The following CXCL13 variants were observed in gnomAD, a reference collection of about 807,000 sequenced individuals.
CXCL13 encodes the protein C-X-C motif chemokine ligand 13.
CXCL13 carries 7 observed loss-of-function variants against 12.2 expected under a neutral mutation model. That is an observed-to-expected ratio of 0.57 (90% CI 0.33 to 1.07). CXCL13 has a LOEUF of 1.07. Ranked by LOEUF, CXCL13 falls within the 50% of genes least tolerant of loss-of-function variation. The pLI is 0.04. For missense variants in CXCL13, 113 were observed against 127.4 expected (o/e 0.89, Z 0.55); for synonymous variants, 47 against 42.4 (o/e 1.11, Z -0.42).
chr4:77,597,634 T>A (rs1243138405), intron 1 of CXCL13, among the ~76,000 whole-genome samples: 2 of 152,158 alleles, frequency 1.3e-5, no homozygotes, highest in African/African-American at 4.8e-5. Flanking sequence ...ATGGTTGGCT[T>A]AAGAAAATAA....
At chr4:77,545,532 G>A (rs183605662) in intron 1 of CXCL13, among the ~76,000 whole-genome samples, 7 of 152,140 alleles carry the variant, frequency 4.6e-5, no homozygotes, top group South Asian at 2.1e-4. Context: ...GTTCACTCAC[G>A]ATTTGGCTCT....
At chr4:77,610,871 T>C (rs1045990699) in intron 3 of CXCL13, 117 bp from the exon 4 acceptor site, 3 of 986,930 alleles carry the variant, frequency 3.0e-6, no homozygotes, top group Admixed American at 1.9e-5. Flanking sequence ...AGCAGCTCAG[T>C]AAACCAAACT....
chr4:77,571,855 G>A (rs12504615), intron 1 of CXCL13, among the ~76,000 whole-genome samples: 12 of 151,840 alleles, frequency 7.9e-5, no homozygotes, highest in Middle Eastern at 3.4e-3. Flanking sequence ...CACTCACCGC[G>A]AAGATCTGCA....
At chr4:77,568,785 C>T (rs900723330) in intron 1 of CXCL13, among the ~76,000 whole-genome samples, 1 of 152,202 alleles carries the variant, frequency 6.6e-6, no homozygotes, top group African/African-American at 2.4e-5. Context: ...CATTGGCATT[C>T]TCTCTAGGAT....
chr4:77,523,978 G>C (rs1322895422), intron 1 of CXCL13, among the ~76,000 whole-genome samples: 2 of 152,220 alleles, frequency 1.3e-5, no homozygotes, highest in African/African-American at 4.8e-5. Flanking sequence ...CTCAGCTGCA[G>C]ATCTGTTGGA....
At chr4:77,597,291 T>A (rs1578071457) in intron 1 of CXCL13, among the ~76,000 whole-genome samples, 1 of 152,346 alleles carries the variant, frequency 6.6e-6, no homozygotes, top group East Asian at 1.9e-4. Flanking sequence ...ATATTTTTTT[T>A]AATGTATTGA....
At chr4:77,522,250 A>T (rs1648412999) in intron 1 of CXCL13, among the ~76,000 whole-genome samples, 1 of 151,210 alleles carries the variant, frequency 6.6e-6, no homozygotes, top group Admixed American at 6.6e-5. Flanking sequence ...GCCGAGTTCA[A>T]TTCCTGGATA....
intron 1 of CXCL13, among the ~76,000 whole-genome samples, chr4:77,588,430 A>G (rs1419349975): frequency 6.6e-6 from 1 of 152,214 alleles, no homozygotes; most frequent in East Asian, 1.9e-4. Context: ...GAGGATCACT[A>G]TTCTGGCAGT....
rs148581749 is a variant in CXCL13 at position 77,554,230 on chromosome 4, T to C, written c.-43+42442T>C. ...TGCATGAGTAGTGAGATTATTATTA[T>C]ATAATAAAATAATATGTTCAAATTT... On this transcript the variant is annotated intron_variant, in intron 1 of 4. Transcript: ENST00000286758. Among the ~76,000 whole-genome samples, 1,420 of 152,146 alleles carry C rather than the reference T, an allele frequency of 9.3e-3. 19 individuals carry two copies. Among genetic ancestry groups the C allele is most frequent in the African/African-American group, 0.032 (1,333 of 41,532 alleles).
At chr4:77,534,108 C>G (rs1408640471) in intron 1 of CXCL13, among the ~76,000 whole-genome samples, 1 of 152,184 alleles carries the variant, frequency 6.6e-6, no homozygotes. Flanking sequence ...GCAGAAATCA[C>G]CCGTCTTCTG....
At chr4:77,518,588 A>G (rs139977647) in intron 1 of CXCL13, among the ~76,000 whole-genome samples, 1,976 of 152,174 alleles carry the variant, frequency 0.013, 36 homozygotes, top group African/African-American at 0.029. Context: ...TGATCGCATC[A>G]GCTCCTGAGG....
intron 1 of CXCL13, among the ~76,000 whole-genome samples, chr4:77,559,612 A>T (rs900976715): frequency 1.3e-5 from 2 of 148,572 alleles, no homozygotes; most frequent in African/African-American, 5.1e-5. Flanking sequence ...TGTGTGTGTG[A>T]TTGAAAGTAA....
intron 1 of CXCL13, among the ~76,000 whole-genome samples, chr4:77,540,376 A>G (rs1725170140): frequency 6.6e-6 from 1 of 152,110 alleles, no homozygotes; most frequent in South Asian, 2.1e-4. Context: ...TACTGAGCAT[A>G]GTACCCAATA....
chr4:77,521,884 G>T (rs989707245), intron 1 of CXCL13, among the ~76,000 whole-genome samples: 1 of 152,150 alleles, frequency 6.6e-6, no homozygotes, highest in Non-Finnish European at 1.5e-5. Context: ...TGCTTTAAAT[G>T]TGTCCCAGAG....
intron 1 of CXCL13, among the ~76,000 whole-genome samples, chr4:77,570,587 A>G (rs1416332515): frequency 1.3e-5 from 2 of 152,134 alleles, no homozygotes; most frequent in East Asian, 3.9e-4. Flanking sequence ...CCTTCAGCCC[A>G]CTGCTGCACC....
chr4:77,567,183 C>G (rs540124539), intron 1 of CXCL13, among the ~76,000 whole-genome samples: 1 of 152,246 alleles, frequency 6.6e-6, no homozygotes, highest in Non-Finnish European at 1.5e-5. Context: ...GTAAGATCCA[C>G]CCCCTGCCCA....
chr4:77,584,274 A>G (rs142918456), intron 1 of CXCL13, among the ~76,000 whole-genome samples: 1 of 152,288 alleles, frequency 6.6e-6, no homozygotes, highest in Non-Finnish European at 1.5e-5. Flanking sequence ...AACTCCTCTC[A>G]CATCACAGTT....
chr4:77,553,221 T>C (rs1725576925), intron 1 of CXCL13, among the ~76,000 whole-genome samples: 1 of 152,206 alleles, frequency 6.6e-6, no homozygotes, highest in Admixed American at 6.5e-5. Flanking sequence ...AGGTCTGTGA[T>C]GGGGGAGAGC....
intron 1 of CXCL13, among the ~76,000 whole-genome samples, chr4:77,575,476 G>A (rs2109821399): frequency 6.6e-6 from 1 of 151,598 alleles, no homozygotes; most frequent in Non-Finnish European, 1.5e-5. Context: ...GCCCTGATGT[G>A]TGATGTTCCC....
Sources: gnomAD v4.1 joint callset for allele counts (sites outside exome capture counted in the v4.1 genomes callset) on GRCh38, gnomAD v4.1.1 for gene constraint, MANE v1.5 for transcripts, NCBI Gene and HGNC (gene_info 2026-07-23, HGNC 2026-07-21) for gene names.